The following SDK2 variants were observed in gnomAD, a reference collection of about 807,000 sequenced individuals.
SDK2 encodes the protein sidekick cell adhesion molecule 2.
Under a neutral mutation model 253.9 loss-of-function variants are expected in SDK2, and 105 were observed. That is an observed-to-expected ratio of 0.41 (90% CI 0.35 to 0.49). The LOEUF (loss-of-function observed/expected upper bound fraction) is 0.49, where lower values mean the gene tolerates loss of function less well. Among genes scored for constraint, SDK2 ranks in the 20% least tolerant of loss-of-function variants. The pLI, the probability that SDK2 is intolerant of heterozygous loss-of-function variation, is 0.06. For missense variants in SDK2, 2,608 were observed against 3,003.0 expected (o/e 0.87, Z 3.07); for synonymous variants, 1,249 against 1,234.9 (o/e 1.01, Z -0.24).
intron 42 of SDK2, 59 bp from the exon 43 acceptor site, chr17:73,350,434 A>G: frequency 6.4e-7 from 1 of 1,559,358 alleles, no homozygotes. Flanking sequence ...CTCCCATACC[A>G]CTCTCCACCT....
Position 73,570,534 on chromosome 17 carries a change from G to T in SDK2, c.65-62937C>A, listed in dbSNP as rs1320834098. 6.6e-6 allele frequency among the ~76,000 whole-genome samples: 1 copy of T among 152,168 alleles called. No homozygotes were observed. Among genetic ancestry groups the T allele is most frequent in the Admixed American group, 6.5e-5 (1 of 15,282 alleles). On this transcript the variant is annotated intron_variant, in intron 1 of 44. Transcript: ENST00000392650. The surrounding 1 kb of genome is among the most constrained non-coding windows in gnomAD (Gnocchi z 4.2). ...CCCTCTTGTGATGATGGCGGTGATG[G>T]TGATGGTGAGGCTGATGGTGGTGAT...
intron 44 of SDK2, among the ~76,000 whole-genome samples, chr17:73,343,637 G>A (rs2062458311): frequency 1.3e-5 from 2 of 152,216 alleles, no homozygotes; most frequent in South Asian, 4.1e-4. Context: ...GCAATTACTG[G>A]GGTCTGCGGA....
intron 1 of SDK2, among the ~76,000 whole-genome samples, chr17:73,574,065 G>A (rs1040753740): frequency 6.6e-6 from 1 of 152,212 alleles, no homozygotes; most frequent in Admixed American, 6.5e-5. Flanking sequence ...ACATCTATGC[G>A]CTTCCTCACT....
rs1230802261 is a variant in SDK2, at chr17:73,447,528, C to T, written c.613+87G>A. On this transcript the variant is annotated intron_variant, in intron 5 of 44. Transcript: ENST00000392650. This position sits in a 1 kb window ranked among gnomAD's most constrained non-coding sequence, Gnocchi z 4.0. Reference sequence around the variant, plus strand: ...GCTTCCCTGTCCCCCTCCTCTGCCACTCCATCTTCCCAATGATCCCCTGGA... The same window carrying T: ...GCTTCCCTGTCCCCCTCCTCTGCCATTCCATCTTCCCAATGATCCCCTGGA... 8 of 1,517,782 alleles carry T rather than the reference C, an allele frequency of 5.3e-6. No individual in the cohort carries two copies. Among genetic ancestry groups the T allele is most frequent in the South Asian group, 2.5e-5 (2 of 80,000 alleles). 94.0% of individuals were successfully genotyped at this position (1,517,782 alleles called of 1,614,324 possible). A position where few individuals can be genotyped will look rare whatever the true frequency, so the allele number is the denominator to read the frequency against.
intron 2 of SDK2, among the ~76,000 whole-genome samples, chr17:73,475,591 A>C (rs2063680984): frequency 6.6e-6 from 1 of 152,264 alleles, no homozygotes; most frequent in Admixed American, 6.5e-5. Flanking sequence ...ATGGAATTGG[A>C]TCAATAAATG....
chr17:73,369,986 T>G (rs1034921263), intron 36 of SDK2, among the ~76,000 whole-genome samples: 8 of 152,170 alleles, frequency 5.3e-5, no homozygotes, highest in Non-Finnish European at 1.0e-4. Context: ...TTAACACTTC[T>G]GCTAGTTCCA....
chr17:73,486,442 C>G (rs1042998935), intron 2 of SDK2, among the ~76,000 whole-genome samples: 2 of 151,794 alleles, frequency 1.3e-5, no homozygotes, highest in African/African-American at 4.8e-5. Flanking sequence ...GAATCTATCT[C>G]TACCAAAAAA....
chr17:73,403,875 G>T (rs2063049322), intron 18 of SDK2, among the ~76,000 whole-genome samples: 1 of 152,142 alleles, frequency 6.6e-6, no homozygotes, highest in African/African-American at 2.4e-5. Context: ...AACTTCTTTG[G>T]AGTAGATTAA....
At position 73,455,485 on chromosome 17, in the gene SDK2, C is replaced by T. The variant is rs1312828203; in HGVS notation, c.479+421G>A. Among the ~76,000 whole-genome samples, 1 of 152,160 alleles carries T rather than the reference C, an allele frequency of 6.6e-6. No individual in the cohort carries two copies. Among genetic ancestry groups the T allele is most frequent in the Non-Finnish European group, 1.5e-5 (1 of 68,020 alleles). On this transcript the variant is annotated intron_variant, in intron 4 of 44. Transcript: ENST00000392650. This position sits in a 1 kb window ranked among gnomAD's most constrained non-coding sequence, Gnocchi z 5.0. ...CACAGCCCTCACACACCAGTAAACA[C>T]CCTGCCAACGGACGCGCCCAGGGCC...
chr17:73,614,907 A>G (rs2046033768), intron 1 of SDK2, among the ~76,000 whole-genome samples: 1 of 151,820 alleles, frequency 6.6e-6, no homozygotes, highest in Non-Finnish European at 1.5e-5. Flanking sequence ...CAGCATGGTT[A>G]GAAGCGCAAA....
intron 3 of SDK2, among the ~76,000 whole-genome samples, chr17:73,456,816 G>A (rs2063528757): frequency 6.6e-6 from 1 of 152,238 alleles, no homozygotes; most frequent in African/African-American, 2.4e-5. Context: ...GCCGGGGCGG[G>A]ACAAGGGGGT....
intron 27 of SDK2, among the ~76,000 whole-genome samples, chr17:73,391,832 C>T (rs1222695502): frequency 6.6e-6 from 1 of 152,274 alleles, no homozygotes; most frequent in East Asian, 1.9e-4. Flanking sequence ...GCCCTCAGAG[C>T]TGGGCGCGTG....
intron 1 of SDK2, among the ~76,000 whole-genome samples, chr17:73,586,135 G>A (rs2045599679): frequency 6.6e-6 from 1 of 152,106 alleles, no homozygotes; most frequent in South Asian, 2.1e-4. Context: ...CCTACAAAGG[G>A]TTGTGCATAA....
chr17:73,561,677 G>T (rs981391661), intron 1 of SDK2, among the ~76,000 whole-genome samples: 6 of 152,244 alleles, frequency 3.9e-5, no homozygotes, highest in African/African-American at 1.2e-4. Flanking sequence ...AGTGGCCTTA[G>T]AGTGGGGAGC....
chr17:73,380,796 A>AC (rs926613290), intron 34 of SDK2, 98 bp downstream of exon 34: 24 of 1,090,728 alleles, frequency 2.2e-5, no homozygotes, highest in Middle Eastern at 2.0e-4. Context: ...GGGTGGGCAC[A>AC]CCCCCTCAAC....
intron 1 of SDK2, chr17:73,520,942 T>G (rs79875843): frequency 0.021 from 3,167 of 152,254 alleles, 46 homozygotes; most frequent in South Asian, 0.054. Flanking sequence ...GGTACAGGCT[T>G]CCTTCTGGGG....
intron 2 of SDK2, among the ~76,000 whole-genome samples, chr17:73,491,895 G>T (rs1037960825): frequency 1.1e-4 from 17 of 152,200 alleles, no homozygotes; most frequent in African/African-American, 4.1e-4. Context: ...GTAATGGCCA[G>T]ATCTGAGAGG....
chr17:73,528,382 T>C (rs1341543234), intron 1 of SDK2, among the ~76,000 whole-genome samples: 1 of 152,222 alleles, frequency 6.6e-6, no homozygotes, highest in Non-Finnish European at 1.5e-5. Flanking sequence ...GCTTGCAATG[T>C]GCCAGGTTGT....
At chr17:73,557,066 T>A (rs1421999624) in intron 1 of SDK2, among the ~76,000 whole-genome samples, 3 of 152,246 alleles carry the variant, frequency 2.0e-5, no homozygotes, top group African/African-American at 7.2e-5. Context: ...TGGGTTTGAA[T>A]TCTCCAGAAT....
Sources: gnomAD v4.1 joint callset for allele counts (sites outside exome capture counted in the v4.1 genomes callset) on GRCh38, gnomAD v4.1.1 for gene constraint, Gnocchi (gnomAD v3.1) non-coding constraint, MANE v1.5 for transcripts, NCBI Gene and HGNC (gene_info 2026-07-23, HGNC 2026-07-21) for gene names.